SUCLG2: variants seen among roughly 807,000 people sequenced by gnomAD.
SUCLG2 encodes succinate--CoA ligase [GDP-forming] subunit beta, mitochondrial.
A neutral mutation model predicts 47.9 loss-of-function variants in SUCLG2; 42 were observed. The ratio of observed to expected loss-of-function variants is 0.88; its 90% CI spans 0.69 to 1.14. The LOEUF is 1.14. Among genes scored for constraint, SUCLG2 ranks in the 50% most tolerant of loss-of-function variants. The pLI is 0.00. For missense variants in SUCLG2, 571 were observed against 525.9 expected, an observed-to-expected ratio of 1.09 and a Z score of -0.84; for synonymous variants, 195 against 197.3, an observed-to-expected ratio of 0.99 and a Z score of 0.10.
chr3:67,617,609 A>G (rs1700653671), intron 1 of SUCLG2, among the ~76,000 whole-genome samples: 1 of 152,164 alleles, frequency 6.6e-6, no homozygotes, highest in Non-Finnish European at 1.5e-5. Flanking sequence ...CTGTAAGAAA[A>G]TGAATTAACC....
At chr3:67,530,787 A>G (rs1291791039) in intron 2 of SUCLG2, among the ~76,000 whole-genome samples, 1 of 152,230 alleles carries the variant, frequency 6.6e-6, no homozygotes, top group Non-Finnish European at 1.5e-5. Context: ...GATACGAACC[A>G]TCACAACATT....
At chr3:67,636,786 A>G (rs952863351) in intron 1 of SUCLG2, among the ~76,000 whole-genome samples, 2 of 150,462 alleles carry the variant, frequency 1.3e-5, no homozygotes, top group Non-Finnish European at 1.5e-5. Context: ...GTGAGCCACC[A>G]TGCCTGGCTG....
chr3:67,545,147 G>C (rs1437100817), intron 2 of SUCLG2, among the ~76,000 whole-genome samples: 1 of 152,080 alleles, frequency 6.6e-6, no homozygotes, highest in Non-Finnish European at 1.5e-5. Context: ...CAATAATAAA[G>C]TATACGCTCC....
intron 1 of SUCLG2, among the ~76,000 whole-genome samples, chr3:67,633,168 T>TA (rs1249977155): frequency 6.6e-6 from 1 of 152,190 alleles, no homozygotes; most frequent in Non-Finnish European, 1.5e-5. Flanking sequence ...AACAAATTAA[T>TA]AACGAAAAGT....
chr3:67,518,755 G>C (rs1706019313), intron 5 of SUCLG2, among the ~76,000 whole-genome samples: 1 of 152,130 alleles, frequency 6.6e-6, no homozygotes, highest in Admixed American at 6.6e-5. Context: ...ACACTCTATT[G>C]ATGATAATTA....
chr3:67,366,654 AC>A (rs1701880002), intron 10 of SUCLG2, among the ~76,000 whole-genome samples: 1 of 152,174 alleles, frequency 6.6e-6, no homozygotes, highest in South Asian at 2.1e-4. Flanking sequence ...ACTCAGAAGA[AC>A]CTGAAGCTCA....
At chr3:67,428,248 C>T (rs1703360664) in intron 9 of SUCLG2, among the ~76,000 whole-genome samples, 1 of 152,176 alleles carries the variant, frequency 6.6e-6, no homozygotes, top group Non-Finnish European at 1.5e-5. Flanking sequence ...ACGAAACTTC[C>T]AGAGGAAGAA....
In SUCLG2 at chr3:67,387,261, G is replaced by C. The variant is rs114909701; in HGVS notation, c.1184-11402C>G. 9.9e-3 allele frequency among the ~76,000 whole-genome samples: 1,502 copies of C among 152,276 alleles called. 23 individuals carry two copies. The highest frequency in any genetic ancestry group is 0.033 in the African/African-American group (1,375 of 41,540). Reference sequence around the variant, plus strand: ...GACAAAGCTACAATGAAAAAAAATTGATCAAGGAGTCAATGAGTGCATCAG... The same window carrying C: ...GACAAAGCTACAATGAAAAAAAATTCATCAAGGAGTCAATGAGTGCATCAG... On this transcript the variant is annotated intron_variant, in intron 10 of 10. Transcript: ENST00000307227.
intron 1 of SUCLG2, among the ~76,000 whole-genome samples, chr3:67,624,243 T>A (rs1700784321): frequency 1.3e-5 from 2 of 152,136 alleles, no homozygotes. Flanking sequence ...CACACTGGCT[T>A]GCCAAAGAAA....
At chr3:67,505,861 C>A (rs1001022468) in intron 7 of SUCLG2, among the ~76,000 whole-genome samples, 1 of 152,088 alleles carries the variant, frequency 6.6e-6, no homozygotes, top group Non-Finnish European at 1.5e-5. Flanking sequence ...ACTCGGGAGG[C>A]TGACGTAGGA....
chr3:67,551,000 GATGATA>G (rs1707000561), intron 2 of SUCLG2, among the ~76,000 whole-genome samples: 1 of 152,216 alleles, frequency 6.6e-6, no homozygotes, highest in South Asian at 2.1e-4. Context: ...GTAAATGGTA[GATGATA>G]ATGATAAATA....
chr3:67,598,830 C>G (rs1405195262), intron 2 of SUCLG2, among the ~76,000 whole-genome samples: 2 of 152,194 alleles, frequency 1.3e-5, no homozygotes, highest in Admixed American at 6.5e-5. Context: ...TACTGACATC[C>G]CACATTTTAC....
At chr3:67,520,336 C>A in intron 5 of SUCLG2, 146 bp downstream of exon 5, 1 of 1,156,026 alleles carries the variant, frequency 8.7e-7, no homozygotes, top group Non-Finnish European at 1.2e-6. Flanking sequence ...CAACTGGATA[C>A]CCAGAAAGAA....
chr3:67,371,397 T>C (rs1016822769), downstream of SUCLG2, among the ~76,000 whole-genome samples: 32 of 152,222 alleles, frequency 2.1e-4, no homozygotes, highest in African/African-American at 7.5e-4. Flanking sequence ...GGCTGCACAC[T>C]AAATTTTCTC....
rs1355395197 is a variant in SUCLG2, at chr3:67,375,123, A to G, written c.*621T>C. On this transcript the variant is annotated 3_prime_UTR_variant, in exon 11 of 11. Coordinates refer to ENST00000307227, the MANE Select transcript of SUCLG2 (RefSeq NM_003848.4). ...TTCAATATTAAGGCAAATGGTAAAA[A>G]CACATGGATGGTATATTAATGCAGA... The G allele has an allele frequency of 1.0e-6, 1 of 985,576 alleles. No individual in the cohort carries two copies. Among genetic ancestry groups the G allele is most frequent in the Non-Finnish European group, 1.2e-6 (1 of 829,818 alleles). The allele number at this position is 985,576 out of a possible 1,614,324, so 61.1% of individuals were successfully genotyped here. A position where few individuals can be genotyped will look rare whatever the true frequency, so the allele number is the denominator to read the frequency against.
At position 67,601,882 on chromosome 3, in the gene SUCLG2, TAA is replaced by T. The variant is rs1399759550; in HGVS notation, c.226+7571_226+7572del. On this transcript the variant is annotated intron_variant, in intron 2 of 10. Transcript: ENST00000307227. ...CTGTAATCCCAGATACTCAGGAGGC[TAA>T]GTCATGAGAACCGCCTGAACCTGGG... Among the ~76,000 whole-genome samples, 9 of 152,008 alleles carry T rather than the reference TAA, an allele frequency of 5.9e-5. No homozygotes were observed. The East Asian group carries it at 9.7e-4, about 16-fold the overall frequency.
intron 1 of SUCLG2, among the ~76,000 whole-genome samples, chr3:67,646,398 A>C (rs1419179056): frequency 6.6e-6 from 1 of 152,124 alleles, no homozygotes; most frequent in Non-Finnish European, 1.5e-5. Flanking sequence ...AGTTGAAGAC[A>C]AGCCTGGCCA....
chr3:67,544,088 A>C (rs1290985283), intron 2 of SUCLG2, among the ~76,000 whole-genome samples: 2 of 152,196 alleles, frequency 1.3e-5, no homozygotes, highest in Non-Finnish European at 2.9e-5. Context: ...AATTCAAAAA[A>C]TTTTTTTAAA....
At chr3:67,573,017 CAT>C (rs1416708864) in intron 2 of SUCLG2, among the ~76,000 whole-genome samples, 2 of 152,144 alleles carry the variant, frequency 1.3e-5, no homozygotes, top group African/African-American at 4.8e-5. Flanking sequence ...TGTATTTCAA[CAT>C]ACAAGCAATG....
Sources: gnomAD v4.1 joint callset for allele counts (sites outside exome capture counted in the v4.1 genomes callset) on GRCh38, gnomAD v4.1.1 for gene constraint, MANE v1.5 for transcripts, NCBI Gene and HGNC (gene_info 2026-07-23, HGNC 2026-07-21) for gene names.